The following CSF1R variants were observed in gnomAD, a reference collection of about 807,000 sequenced individuals.
CSF1R encodes the protein macrophage colony-stimulating factor 1 receptor.
In CSF1R, 40 loss-of-function variants were observed where a neutral mutation model predicts 110.0. The ratio of observed to expected loss-of-function variants is 0.36; its 90% CI spans 0.28 to 0.47. The LOEUF (loss-of-function observed/expected upper bound fraction) is 0.47. Ranked by LOEUF, CSF1R falls within the 20% of genes least tolerant of loss-of-function variation. The pLI is 0.99. For synonymous variants in CSF1R, 523 were observed against 503.4 expected (o/e 1.04, Z -0.52); for missense variants, 1,052 against 1,253.0 (o/e 0.84, Z 2.42).
intron 1 of CSF1R, among the ~76,000 whole-genome samples, chr5:150,083,838 G>A (rs535596774): frequency 6.6e-6 from 1 of 152,054 alleles, no homozygotes; most frequent in Non-Finnish European, 1.5e-5. Context: ...TTACTGAACC[G>A]AGATAATTGA....
At chr5:150,059,441 T>C (rs1224679601) in intron 14 of CSF1R, among the ~76,000 whole-genome samples, 1 of 152,230 alleles carries the variant, frequency 6.6e-6, no homozygotes, top group Non-Finnish European at 1.5e-5. Context: ...CTCCACCAGA[T>C]TATGAGCTGC....
chr5:150,069,843 G>A (rs777897854), intron 9 of CSF1R, 30 bp downstream of exon 9: 6 of 1,394,550 alleles, frequency 4.3e-6, no homozygotes, highest in Admixed American at 4.0e-5. Flanking sequence ...CGGGCGGGGG[G>A]GCGGTGCGGG....
Position 150,094,423 on chromosome 5 carries a change from T to C in CSF1R, c.-180-7816A>G, listed in dbSNP as rs551840547. ...CTGAGAAAGAAGTTTGCCCAAAAGATGCTTCGAAAGGCAAGGAGGAAGCTT... is the reference window on the plus strand; with the variant it reads ...CTGAGAAAGAAGTTTGCCCAAAAGACGCTTCGAAAGGCAAGGAGGAAGCTT... On this transcript the variant is annotated intron_variant, in intron 1 of 21. Transcript: ENST00000286301. 33 of 1,598,734 alleles carry C rather than the reference T, an allele frequency of 2.1e-5. No individual in the cohort carries two copies. The African/African-American group carries it at 3.7e-4, about 18-fold the overall frequency.
At chr5:150,112,080 G>A (rs953137034) in intron 1 of CSF1R, among the ~76,000 whole-genome samples, 1 of 151,320 alleles carries the variant, frequency 6.6e-6, no homozygotes, top group East Asian at 2.0e-4. Flanking sequence ...CCTTTGTATG[G>A]AAAATGTAAT....
upstream of CSF1R, among the ~76,000 whole-genome samples, chr5:150,089,857 A>G (rs1758980903): frequency 6.6e-6 from 1 of 152,248 alleles, no homozygotes; most frequent in Non-Finnish European, 1.5e-5. Context: ...TAAAATTGAG[A>G]GTCAGGAAGT....
In CSF1R at chr5:150,054,210, C is replaced by CAGAT; in HGVS notation, c.2774_2777dup (p.Pro927SerfsTer16). 1 of 1,612,142 alleles carries CAGAT rather than the reference C, an allele frequency of 6.2e-7. No homozygotes were observed. The highest frequency in any genetic ancestry group is 8.5e-7 in the Non-Finnish European group (1 of 1,179,160). ...TGCCACCGCTTCTGCTGCTGCTCGG[C>CAGAT]AGATTGGTATAGTCCTGAGGGTGGG... On this transcript the variant is annotated frameshift_variant, in exon 21 of 21. Coordinates refer to ENST00000675795, the MANE Select transcript of CSF1R (RefSeq NM_001288705.3). LOFTEE classifies it high-confidence loss of function.
chr5:150,073,350 G>A lies in CSF1R; in HGVS notation c.1033C>T (p.His345Tyr). The A allele has an allele frequency of 1.2e-6, 2 of 1,614,010 alleles. No homozygotes were observed. The highest frequency in any genetic ancestry group is 1.7e-5 in the Admixed American group (1 of 60,022). ...TTAGCAAGCTTGGGCTCAGGCTGGT[G>A]GTCAGAAAAGGGTCCCAGGTAGGTC... ...NWTYLGPFSDHQPEPKLANAT... is the reference protein window; with the variant it reads ...NWTYLGPFSDYQPEPKLANAT... The change falls in exon 6 of 21, where the codon CAC (histidine) becomes TAC (tyrosine). Residue 345 changes from histidine to tyrosine, a missense_variant. Transcript: ENST00000675795.
chr5:150,087,619 T>C (rs1187530630), upstream of CSF1R, among the ~76,000 whole-genome samples: 1 of 152,270 alleles, frequency 6.6e-6, no homozygotes, highest in African/African-American at 2.4e-5. Flanking sequence ...TCTTAAAATA[T>C]ATAGCATTCC....
At position 150,079,965 on chromosome 5, in the gene CSF1R, A is replaced by G; in HGVS notation, c.592+87T>C. The stretch of plus-strand genomic sequence containing the variant: ...AGGACATCCCACTGCCCCCCATCAC[A>G]CCCAGTCCCCAGTCACCACCCATGT... On this transcript the variant is annotated intron_variant, in intron 3 of 20. Transcript: ENST00000675795. 2.0e-6 allele frequency: 3 copies of G among 1,491,124 alleles called. No homozygotes were observed. The South Asian group carries it at 3.8e-5, about 19-fold the overall frequency. 92.4% of individuals were successfully genotyped at this position (1,491,124 alleles called of 1,614,324 possible).
At chr5:150,080,019 A>G (rs746327310) in intron 3 of CSF1R, 33 bp downstream of exon 3, 1 of 1,599,428 alleles carries the variant, frequency 6.3e-7, no homozygotes, top group Non-Finnish European at 8.5e-7. Context: ...CCCACTCTTC[A>G]GGCCTGGCTG....
intron 2 of CSF1R, 126 bp from the exon 3 acceptor site, chr5:150,080,462 C>T: frequency 7.8e-7 from 1 of 1,289,344 alleles, no homozygotes; most frequent in Non-Finnish European, 1.1e-6. Context: ...CACGCCAGGA[C>T]AGTTCAGCGG....
chr5:150,064,852 T>TC (rs893633231), intron 10 of CSF1R, among the ~76,000 whole-genome samples: 1 of 152,040 alleles, frequency 6.6e-6, no homozygotes, highest in Non-Finnish European at 1.5e-5. Context: ...TCAGGAACCC[T>TC]CCCCTGCCCC....
chr5:150,071,633 T>C (rs1758036080), intron 6 of CSF1R, among the ~76,000 whole-genome samples: 1 of 152,210 alleles, frequency 6.6e-6, no homozygotes, highest in South Asian at 2.1e-4. Flanking sequence ...TAAAATTCTG[T>C]GGCTGTTTGG....
intron 13 of CSF1R, among the ~76,000 whole-genome samples, 195 bp downstream of exon 13, chr5:150,060,667 C>A (rs535120577): frequency 6.6e-6 from 1 of 152,318 alleles, no homozygotes; most frequent in South Asian, 2.1e-4. Flanking sequence ...TCTCTTTATA[C>A]CTCAAGCTGC....
In CSF1R at chr5:150,086,431, C is replaced by A. The variant is rs1411710710; in HGVS notation, c.-4G>T. ...GCAGCAGAACTCCTGGGCCCATGGCCTCGGTGGGGAAGTGGCAGGCAGGTG... is the reference window on the plus strand; with the variant it reads ...GCAGCAGAACTCCTGGGCCCATGGCATCGGTGGGGAAGTGGCAGGCAGGTG... On this transcript the variant is annotated 5_prime_UTR_variant, in exon 1 of 21. The change creates a new upstream start codon in the 5' untranslated region. Coordinates refer to ENST00000675795, the MANE Select transcript of CSF1R (RefSeq NM_001288705.3). 8 of 1,609,678 alleles carry A rather than the reference C, an allele frequency of 5.0e-6. No homozygotes were observed. In the South Asian group the frequency reaches 8.9e-5, roughly 18 times the overall value.
intron 1 of CSF1R, 120 bp from the exon 2 acceptor site, chr5:150,081,144 T>A: frequency 8.8e-7 from 1 of 1,136,436 alleles, no homozygotes; most frequent in Non-Finnish European, 1.3e-6. Context: ...AGGGACCACC[T>A]TGAACGAGCC....
intron 1 of CSF1R, among the ~76,000 whole-genome samples, chr5:150,111,864 T>C (rs1391809912): frequency 6.6e-6 from 1 of 152,240 alleles, no homozygotes; most frequent in East Asian, 1.9e-4. Context: ...CCCTGGAAAC[T>C]GAGTCACATC....
chr5:150,090,738 T>C (rs1305075845), upstream of CSF1R, among the ~76,000 whole-genome samples: 1 of 152,166 alleles, frequency 6.6e-6, no homozygotes, highest in Non-Finnish European at 1.5e-5. Context: ...ATTCAAATAT[T>C]GCATGTCCTC....
intron 1 of CSF1R, among the ~76,000 whole-genome samples, chr5:150,103,670 T>C (rs563866454): frequency 3.3e-5 from 5 of 152,268 alleles, no homozygotes; most frequent in African/African-American, 9.6e-5. Context: ...AGCAGTGGCA[T>C]TGGAGCTGGG....
Sources: gnomAD v4.1 joint callset for allele counts (sites outside exome capture counted in the v4.1 genomes callset) on GRCh38, gnomAD v4.1.1 for gene constraint, MANE v1.5 for transcripts, NCBI Gene and HGNC (gene_info 2026-07-23, HGNC 2026-07-21) for gene names.